The following ANKS1B variants were observed in gnomAD, a reference collection of about 807,000 sequenced individuals.
ANKS1B encodes ankyrin repeat and sterile alpha motif domain-containing protein 1B.
ANKS1B carries 36 observed loss-of-function variants against 148.3 expected under a neutral mutation model. The observed-to-expected ratio is 0.24, with a 90% confidence interval of 0.19 to 0.32. The LOEUF (loss-of-function observed/expected upper bound fraction) is 0.32, where lower values mean the gene tolerates loss of function less well. Among genes scored for constraint, ANKS1B ranks in the 10% least tolerant of loss-of-function variants. The pLI, the probability that ANKS1B is intolerant of heterozygous loss-of-function variation, is 1.00. For synonymous variants in ANKS1B, 542 were observed against 560.8 expected (o/e 0.97, Z 0.47); for missense variants, 1,157 against 1,542.6 (o/e 0.75, Z 4.19).
intron 14 of ANKS1B, among the ~76,000 whole-genome samples, chr12:99,195,349 G>A (rs1018788349): frequency 6.6e-6 from 1 of 152,074 alleles, no homozygotes; most frequent in Non-Finnish European, 1.5e-5. Context: ...TGATGATTTT[G>A]AGCATGGATT....
At chr12:99,654,767 T>C (rs1048260976) in intron 9 of ANKS1B, among the ~76,000 whole-genome samples, 7 of 152,216 alleles carry the variant, frequency 4.6e-5, no homozygotes, top group African/African-American at 1.7e-4. Context: ...AATAGCATTC[T>C]TTAAACTGAT....
At chr12:99,273,376 G>A (rs912612635) in intron 12 of ANKS1B, among the ~76,000 whole-genome samples, 17 of 151,818 alleles carry the variant, frequency 1.1e-4, no homozygotes, top group African/African-American at 2.7e-4. Context: ...TTGACAATTC[G>A]CACAATTAGA....
chr12:99,721,890 T>C (rs1037369012), intron 8 of ANKS1B, among the ~76,000 whole-genome samples: 2 of 152,148 alleles, frequency 1.3e-5, no homozygotes, highest in Non-Finnish European at 2.9e-5. Context: ...GCGACTCCAG[T>C]GGACACATAA....
At chr12:99,340,606 C>T (rs2089749647) in intron 12 of ANKS1B, among the ~76,000 whole-genome samples, 1 of 151,708 alleles carries the variant, frequency 6.6e-6, no homozygotes, top group African/African-American at 2.4e-5. Flanking sequence ...AATCATTTCC[C>T]CTACTTGATC....
intron 17 of ANKS1B, among the ~76,000 whole-genome samples, chr12:98,974,699 A>G (rs986153929): frequency 6.6e-6 from 1 of 152,120 alleles, no homozygotes; most frequent in African/African-American, 2.4e-5. Flanking sequence ...GAGTCCAGGT[A>G]GGCCTCGTAG....
rs1327939335 is a variant in ANKS1B, at chr12:99,977,741, G to A, written c.134+6363C>T. Among the ~76,000 whole-genome samples the A allele has an allele frequency of 7.9e-5, 12 of 152,268 alleles. No homozygotes were observed. The South Asian group carries it at 1.7e-3, about 21-fold the overall frequency. On this transcript the variant is annotated intron_variant, in intron 1 of 26. Transcript: ENST00000683438. ...ACTGGCATTGTGCCTCTGCCTGCCC[G>A]TACGGCTTACATAACCATGTCCTCA...
At position 99,685,668 on chromosome 12, in the gene ANKS1B, T is replaced by C. The variant is rs1386568003; in HGVS notation, c.1129-30458A>G. Among the ~76,000 whole-genome samples, 5 of 152,092 alleles carry C rather than the reference T, an allele frequency of 3.3e-5. No individual in the cohort carries two copies. The South Asian group carries it at 1.0e-3, about 31-fold the overall frequency. Reference sequence around the variant, plus strand: ...AGCACAACTGGCAATTGCAAAAATATGGAACCAGCCCAAATGCCCATCAAT... The same window carrying C: ...AGCACAACTGGCAATTGCAAAAATACGGAACCAGCCCAAATGCCCATCAAT... On this transcript the variant is annotated intron_variant, in intron 8 of 26. Coordinates refer to ENST00000683438, the MANE Select transcript of ANKS1B (RefSeq NM_001352186.2).
At chr12:98,792,737 C>T (rs1038379877) in intron 22 of ANKS1B, among the ~76,000 whole-genome samples, 4 of 152,194 alleles carry the variant, frequency 2.6e-5, no homozygotes, top group Admixed American at 2.6e-4. Flanking sequence ...TTTCACTTAA[C>T]ATAATGTCTT....
At chr12:99,026,098 G>A (rs903288992) in intron 17 of ANKS1B, among the ~76,000 whole-genome samples, 1 of 152,190 alleles carries the variant, frequency 6.6e-6, no homozygotes, top group Non-Finnish European at 1.5e-5. Context: ...TAGTTTAGTT[G>A]AAGGTATGTA....
intron 11 of ANKS1B, among the ~76,000 whole-genome samples, chr12:99,411,854 C>G (rs1174877921): frequency 1.3e-5 from 2 of 152,116 alleles, no homozygotes; most frequent in Non-Finnish European, 2.9e-5. Flanking sequence ...CTCTTTGACC[C>G]TTCCTGTTTT....
chr12:99,717,382 C>T (rs1215634788), intron 8 of ANKS1B, among the ~76,000 whole-genome samples: 1 of 152,216 alleles, frequency 6.6e-6, no homozygotes, highest in Non-Finnish European at 1.5e-5. Context: ...GCCACATCTC[C>T]AGCATACAAG....
chr12:99,077,636 C>T (rs1314455633), intron 16 of ANKS1B, among the ~76,000 whole-genome samples: 1 of 152,198 alleles, frequency 6.6e-6, no homozygotes, highest in Non-Finnish European at 1.5e-5. Context: ...CTGCGTCAAC[C>T]ATCAAGCCTA....
intron 12 of ANKS1B, among the ~76,000 whole-genome samples, chr12:99,370,063 A>C (rs180912987): frequency 1.4e-5 from 2 of 145,564 alleles, no homozygotes; most frequent in East Asian, 4.5e-4. Context: ...GACCCTTATA[A>C]GTGTGTAGGA....
chr12:99,434,372 A>G (rs1031658899), intron 11 of ANKS1B, among the ~76,000 whole-genome samples: 6 of 152,174 alleles, frequency 3.9e-5, no homozygotes, highest in African/African-American at 1.2e-4. Flanking sequence ...TTAATTACAC[A>G]ATAAATTTAA....
At chr12:99,644,193 C>T (rs922651191) in intron 9 of ANKS1B, among the ~76,000 whole-genome samples, 4 of 152,178 alleles carry the variant, frequency 2.6e-5, no homozygotes, top group African/African-American at 9.7e-5. Flanking sequence ...TATAATTCCT[C>T]TAGACTATCT....
At chr12:99,981,011 T>C (rs1000170865) in intron 1 of ANKS1B, among the ~76,000 whole-genome samples, 1 of 152,040 alleles carries the variant, frequency 6.6e-6, no homozygotes, top group Admixed American at 6.5e-5. Context: ...TGGAAGAAAG[T>C]TCCCTCCTTA....
At chr12:98,762,341 A>G (rs1213509325) in intron 25 of ANKS1B, among the ~76,000 whole-genome samples, 1 of 152,064 alleles carries the variant, frequency 6.6e-6, no homozygotes, top group African/African-American at 2.4e-5. Context: ...GCTATCTTTT[A>G]CCCAGTCAAC....
chr12:99,005,379 G>A (rs2099935554), intron 17 of ANKS1B, among the ~76,000 whole-genome samples: 1 of 152,188 alleles, frequency 6.6e-6, no homozygotes, highest in South Asian at 2.1e-4. Flanking sequence ...CCTGCTCTGA[G>A]GAGGCTCAGT....
At chr12:99,743,051 T>C (rs1230594877) in intron 8 of ANKS1B, among the ~76,000 whole-genome samples, 1 of 152,198 alleles carries the variant, frequency 6.6e-6, no homozygotes, top group Non-Finnish European at 1.5e-5. Context: ...ATCAGCTACC[T>C]CTAAGTGCTT....
Sources: gnomAD v4.1 joint callset for allele counts (sites outside exome capture counted in the v4.1 genomes callset) on GRCh38, gnomAD v4.1.1 for gene constraint, MANE v1.5 for transcripts, NCBI Gene and HGNC (gene_info 2026-07-23, HGNC 2026-07-21) for gene names.